The following SNTG1 variants were observed in gnomAD, a reference collection of about 807,000 sequenced individuals.
The protein encoded by SNTG1 is gamma-1-syntrophin.
SNTG1 carries 39 observed loss-of-function variants against 74.7 expected under a neutral mutation model. The ratio of observed to expected loss-of-function variants is 0.52; its 90% CI spans 0.40 to 0.68. SNTG1 has a LOEUF of 0.68. SNTG1 is among the 30% of genes least tolerant of loss of function. The probability of loss-of-function intolerance (pLI) is 0.00; values close to 1 mark genes in which losing one functional copy is unlikely to be tolerated. For missense variants in SNTG1, 685 were observed against 609.5 expected, an observed-to-expected ratio of 1.12 and a Z score of -1.30; for synonymous variants, 254 against 217.1, an observed-to-expected ratio of 1.17 and a Z score of -1.49.
chr8:50,602,341 A>G (rs2130936873), intron 13 of SNTG1, among the ~76,000 whole-genome samples: 1 of 152,206 alleles, frequency 6.6e-6, no homozygotes, highest in South Asian at 2.1e-4. Context: ...AAAACTCGTA[A>G]TTTTAAACTA....
At chr8:50,308,815 A>G (rs1346915237) in intron 2 of SNTG1, among the ~76,000 whole-genome samples, 2 of 152,196 alleles carry the variant, frequency 1.3e-5, no homozygotes, top group African/African-American at 4.8e-5. Flanking sequence ...AACGCTATTT[A>G]GACATTTTTG....
intron 1 of SNTG1, among the ~76,000 whole-genome samples, chr8:50,010,069 TA>T (rs1204383506): frequency 6.6e-6 from 1 of 152,158 alleles, no homozygotes; most frequent in Admixed American, 6.6e-5. Context: ...TCTTCTTAAT[TA>T]ACTTTACTTT....
intron 1 of SNTG1, among the ~76,000 whole-genome samples, chr8:50,026,009 T>C (rs1213018449): frequency 6.6e-6 from 1 of 152,206 alleles, no homozygotes; most frequent in Non-Finnish European, 1.5e-5. Flanking sequence ...TTTAGGCTGC[T>C]ATATATTTAG....
chr8:50,471,228 G>A (rs575410948), intron 8 of SNTG1, among the ~76,000 whole-genome samples: 9 of 136,206 alleles, frequency 6.6e-5, no homozygotes, highest in African/African-American at 1.1e-4. Flanking sequence ...CAAGCAAGGT[G>A]TTTAAAAATC....
At chr8:50,520,626 C>G (rs891608350) in intron 9 of SNTG1, among the ~76,000 whole-genome samples, 2 of 152,148 alleles carry the variant, frequency 1.3e-5, no homozygotes, top group Non-Finnish European at 2.9e-5. Flanking sequence ...TGAACAGACA[C>G]TTCTCAAAAG....
chr8:50,036,747 T>C (rs1473176416), intron 1 of SNTG1, among the ~76,000 whole-genome samples: 1 of 152,164 alleles, frequency 6.6e-6, no homozygotes, highest in Admixed American at 6.5e-5. Flanking sequence ...AAAACCAAAC[T>C]CCTCTTCTTC....
chr8:50,291,749 G>A (rs138683750), intron 2 of SNTG1, among the ~76,000 whole-genome samples: 32 of 152,290 alleles, frequency 2.1e-4, no homozygotes, highest in African/African-American at 7.5e-4. Flanking sequence ...CCAATTGGAG[G>A]GGTGACATAG....
intron 15 of SNTG1, among the ~76,000 whole-genome samples, chr8:50,683,333 G>C (rs188770817): frequency 1.3e-5 from 2 of 152,290 alleles, no homozygotes; most frequent in Admixed American, 1.3e-4. Context: ...TGTATGGGGT[G>C]GGGGTAAGGG....
rs1487357987 is a variant in SNTG1, at chr8:50,794,002, G to C, written c.*1173G>C. The C allele has an allele frequency of 6.6e-6, 1 of 151,788 alleles. No homozygotes were observed. Among genetic ancestry groups the C allele is most frequent in the Non-Finnish European group, 1.5e-5 (1 of 67,888 alleles). 9.4% of individuals were successfully genotyped at this position (151,788 alleles called of 1,614,324 possible). On this transcript the variant is annotated 3_prime_UTR_variant, in exon 19 of 19. Coordinates refer to ENST00000642720, the MANE Select transcript of SNTG1 (RefSeq NM_018967.5). ...AAGGCTGGGAAATTTGAAAGCCTTA[G>C]AGGTGTGCAATTTACTCAGATTCCA...
intron 18 of SNTG1, among the ~76,000 whole-genome samples, chr8:50,762,297 T>A (rs1342041265): frequency 6.6e-6 from 1 of 152,024 alleles, no homozygotes; most frequent in African/African-American, 2.4e-5. Context: ...TTGGAATTAC[T>A]ATTAAAATTC....
At chr8:50,110,950 A>T (rs561405212) in intron 1 of SNTG1, among the ~76,000 whole-genome samples, 4 of 152,270 alleles carry the variant, frequency 2.6e-5, no homozygotes, top group Admixed American at 2.0e-4. Flanking sequence ...TGTCCTAAAC[A>T]ATTATTTGTT....
chr8:50,687,269 G>T (rs7821535), intron 15 of SNTG1, among the ~76,000 whole-genome samples: 15,414 of 150,368 alleles, frequency 0.1, 2,189 homozygotes, highest in African/African-American at 0.32. Context: ...ACAAAAAATC[G>T]CAGAAAACAA....
chr8:50,569,485 T>C (rs1417574936), intron 12 of SNTG1, among the ~76,000 whole-genome samples: 2 of 151,482 alleles, frequency 1.3e-5, no homozygotes, highest in African/African-American at 2.4e-5. Context: ...TCATTTTTTT[T>C]CCATAAAAGC....
chr8:50,613,976 AT>A (rs1279344558), intron 13 of SNTG1, among the ~76,000 whole-genome samples: 1 of 152,124 alleles, frequency 6.6e-6, no homozygotes, highest in Non-Finnish European at 1.5e-5. Flanking sequence ...ACAAGTTTTG[AT>A]TCAACTTTTA....
chr8:49,999,132 A>C (rs555503696), intron 1 of SNTG1, among the ~76,000 whole-genome samples: 1 of 152,280 alleles, frequency 6.6e-6, no homozygotes, highest in South Asian at 2.1e-4. Context: ...ATGACTGTAC[A>C]TGTAGTTCAA....
chr8:50,247,880 T>G (rs1034630207), intron 2 of SNTG1, among the ~76,000 whole-genome samples: 3 of 152,068 alleles, frequency 2.0e-5, no homozygotes, highest in African/African-American at 7.2e-5. Flanking sequence ...CCTTTGTATT[T>G]ATTGTCTCAT....
chr8:50,348,133 T>C (rs1245490883), intron 2 of SNTG1, among the ~76,000 whole-genome samples: 1 of 152,172 alleles, frequency 6.6e-6, no homozygotes, highest in East Asian at 1.9e-4. Context: ...CCTAGGTTAG[T>C]TACCAAGGAG....
chr8:50,469,064 C>T (rs569280128), intron 8 of SNTG1, among the ~76,000 whole-genome samples: 3 of 152,072 alleles, frequency 2.0e-5, no homozygotes, highest in Admixed American at 2.0e-4. Flanking sequence ...TATTTACTTG[C>T]GTTTATTCTT....
intron 1 of SNTG1, among the ~76,000 whole-genome samples, chr8:50,083,699 C>T (rs757872933): frequency 6.6e-6 from 1 of 151,984 alleles, no homozygotes; most frequent in Non-Finnish European, 1.5e-5. Flanking sequence ...ATGTTAATAT[C>T]CCTTGTGGTG....
Sources: allele counts gnomAD v4.1 joint callset (sites outside exome capture counted in the v4.1 genomes callset), GRCh38; gene constraint gnomAD v4.1.1; transcripts MANE v1.5; gene names NCBI Gene and HGNC (gene_info 2026-07-23, HGNC 2026-07-21).